Variants in HIP1 observed in about 807,000 individuals in gnomAD.
HIP1 encodes huntingtin-interacting protein 1.
HIP1 carries 65 observed loss-of-function variants against 147.6 expected under a neutral mutation model. That is an observed-to-expected ratio of 0.44 (90% CI 0.36 to 0.54). The LOEUF (loss-of-function observed/expected upper bound fraction) is 0.54. HIP1 is among the 20% of genes least tolerant of loss of function. HIP1 has a pLI of 0.00. For synonymous variants in HIP1, 479 were observed against 504.0 expected, an observed-to-expected ratio of 0.95 and a Z score of 0.67; for missense variants, 1,061 against 1,299.6, an observed-to-expected ratio of 0.82 and a Z score of 2.82.
At chr7:75,659,186 C>G (rs1799228561) in intron 1 of HIP1, among the ~76,000 whole-genome samples, 1 of 152,172 alleles carries the variant, frequency 6.6e-6, no homozygotes, top group South Asian at 2.1e-4. Flanking sequence ...AATCCTGAAG[C>G]CTGCAAAAAT....
intron 8 of HIP1, among the ~76,000 whole-genome samples, chr7:75,573,555 G>A (rs1795726936): frequency 6.6e-6 from 1 of 152,192 alleles, no homozygotes; most frequent in African/African-American, 2.4e-5. Flanking sequence ...ACGCAAGAGT[G>A]GCAAGCCAGG....
In HIP1 at chr7:75,546,983, C is replaced by T. The variant is rs191649785; in HGVS notation, c.2515G>A (p.Val839Met). 1.5e-5 allele frequency: 24 copies of T among 1,587,158 alleles called. No individual in the cohort carries two copies. The highest frequency in any genetic ancestry group is 1.2e-4 in the African/African-American group (9 of 74,716). Residue 839 changes from valine (V) to methionine (M), a missense_variant, in exon 25 of 31, where the codon GTG becomes ATG. By Grantham distance (21) the Val-to-Met change is conservative (BLOSUM62 1). This residue lies in a region of HIP1 where 810 missense variants were observed against 946.8 expected (regional missense o/e 0.86). Coordinates refer to ENST00000336926, the MANE Select transcript of HIP1 (RefSeq NM_005338.7). Reference sequence around the variant, plus strand: ...TCTCTCTGGAGGTCCTTAGAGGCCACGATGAGCACCTGAATAGCTTGCATG... The same window carrying T: ...TCTCTCTGGAGGTCCTTAGAGGCCATGATGAGCACCTGAATAGCTTGCATG... ...SLMQAIQVLI[V>M]ASKDLQREIV...
chr7:75,703,425 C>G (rs782324412), intron 1 of HIP1, among the ~76,000 whole-genome samples: 3 of 152,112 alleles, frequency 2.0e-5, no homozygotes, highest in African/African-American at 7.2e-5. Context: ...AGGCAGATCA[C>G]CCGAGGTCGG....
intron 1 of HIP1, among the ~76,000 whole-genome samples, chr7:75,686,159 G>A (rs1800255748): frequency 1.3e-5 from 2 of 152,026 alleles, no homozygotes; most frequent in South Asian, 4.1e-4. Flanking sequence ...CAAAGTACCG[G>A]GATTACAGGC....
At chr7:75,705,409 C>T (rs1302116531) in intron 1 of HIP1, among the ~76,000 whole-genome samples, 1 of 151,530 alleles carries the variant, frequency 6.6e-6, no homozygotes, top group African/African-American at 2.4e-5. Flanking sequence ...CTCTTGTCGC[C>T]CAGGCTGGAG....
rs562296683 is a variant in HIP1, at chr7:75,682,550, G to A, written c.120+56251C>T. Among the ~76,000 whole-genome samples, 657 of 150,898 alleles carry A rather than the reference G, an allele frequency of 4.4e-3. 2 individuals are homozygous for A. Among genetic ancestry groups the A allele is most frequent in the Non-Finnish European group, 7.7e-3 (523 of 67,918 alleles). ...GCTGAGATGACGGGATTGAGCCACG[G>A]TGCCTGGCCAACATCCTCATTTTAC... On this transcript the variant is annotated intron_variant, in intron 1 of 30. Coordinates refer to ENST00000336926, the MANE Select transcript of HIP1 (RefSeq NM_005338.7).
chr7:75,573,944 A>C, intron 7 of HIP1, 43 bp from the exon 8 acceptor site: 4 of 1,580,866 alleles, frequency 2.5e-6, no homozygotes, highest in Non-Finnish European at 3.5e-6. Flanking sequence ...GAGCCAGGGG[A>C]TTACAGGCAG....
At chr7:75,631,729 C>T (rs782810660) in intron 1 of HIP1, among the ~76,000 whole-genome samples, 22 of 152,170 alleles carry the variant, frequency 1.4e-4, no homozygotes, top group Non-Finnish European at 2.9e-4. Flanking sequence ...GAATCTTCTC[C>T]GATTATGGAA....
intron 1 of HIP1, among the ~76,000 whole-genome samples, chr7:75,603,041 G>A (rs1456539911): frequency 3.3e-5 from 5 of 151,768 alleles, no homozygotes; most frequent in Admixed American, 6.6e-5. Flanking sequence ...CAGCGGCCAC[G>A]AGAAGCTAGA....
intron 1 of HIP1, among the ~76,000 whole-genome samples, chr7:75,733,178 C>T (rs536990919): frequency 6.6e-6 from 1 of 152,226 alleles, no homozygotes; most frequent in East Asian, 1.9e-4. Context: ...TGTGGTCGAA[C>T]GGGCCTGACA....
intron 1 of HIP1, among the ~76,000 whole-genome samples, chr7:75,636,111 G>A (rs1371990552): frequency 1.3e-5 from 2 of 151,614 alleles, no homozygotes; most frequent in Non-Finnish European, 2.9e-5. Flanking sequence ...GGAGGCTGAG[G>A]TGGGTGGATT....
At chr7:75,601,035 G>A (rs587758516) in intron 1 of HIP1, among the ~76,000 whole-genome samples, 197 of 152,170 alleles carry the variant, frequency 1.3e-3, no homozygotes, top group Non-Finnish European at 2.4e-3. Flanking sequence ...TGGGATTACA[G>A]GCATGAGCCA....
chr7:75,648,981 T>A (rs1276350414), intron 1 of HIP1, among the ~76,000 whole-genome samples: 3 of 152,076 alleles, frequency 2.0e-5, no homozygotes, highest in Admixed American at 6.6e-5. Context: ...GGCTATTTTT[T>A]ATTTTTTTCT....
At chr7:75,601,244 C>G (rs1554502861) in intron 1 of HIP1, among the ~76,000 whole-genome samples, 1 of 151,812 alleles carries the variant, frequency 6.6e-6, no homozygotes, top group Non-Finnish European at 1.5e-5. Flanking sequence ...CACGGATCAG[C>G]AAACTACAGT....
rs530487933 is a variant in HIP1, at chr7:75,683,669, G to T, written c.120+55132C>A. On this transcript the variant is annotated intron_variant, in intron 1 of 30. Coordinates refer to ENST00000336926, the MANE Select transcript of HIP1 (RefSeq NM_005338.7). ...CCACGTCCTCCACCTGATGCTGGAG[G>T]TCACTGACATCTGTGAACCTCCCAT... is the stretch of plus-strand genomic sequence containing the variant. 6.6e-5 allele frequency among the ~76,000 whole-genome samples: 10 copies of T among 152,302 alleles called. 1 individual carries two copies. The highest frequency in any genetic ancestry group is 2.4e-4 in the African/African-American group (10 of 41,580).
chr7:75,650,470 T>TTTTTTTA (rs1798936387), intron 1 of HIP1, among the ~76,000 whole-genome samples: 2 of 147,926 alleles, frequency 1.4e-5, no homozygotes, highest in African/African-American at 5.1e-5. Flanking sequence ...TTTTTTTTTT[T>TTTTTTTA]GAGACAGAGT....
At chr7:75,585,755 C>T in intron 5 of HIP1, among the ~76,000 whole-genome samples, 1 of 151,982 alleles carries the variant, frequency 6.6e-6, no homozygotes, top group Admixed American at 6.6e-5. Context: ...AGTTGCCAGA[C>T]CCCTGTACAC....
chr7:75,627,116 C>G (rs1014291152), intron 1 of HIP1: 5 of 152,136 alleles, frequency 3.3e-5, no homozygotes, highest in Non-Finnish European at 7.3e-5. Context: ...TGTGCAGGAG[C>G]CCCAGCCCGG....
rs1350931133 is a variant in HIP1 at position 75,639,182 on chromosome 7, C to T, written c.121-39935G>A. ...CTGCGGGGAGGGCGGCCGGCAGGGC[C>T]CCCGCGGACCGGGGCAGGCGGCGGC... On this transcript the variant is annotated intron_variant, in intron 1 of 30. Coordinates refer to ENST00000336926, the MANE Select transcript of HIP1 (RefSeq NM_005338.7). The T allele has an allele frequency of 3.0e-6, 3 of 983,740 alleles. No individual in the cohort carries two copies. In the South Asian group the frequency reaches 1.4e-4, roughly 46 times the overall value. The allele number at this position is 983,740 out of a possible 1,614,324, so 60.9% of individuals were successfully genotyped here.
Sources: gnomAD v4.1 joint callset for allele counts (sites outside exome capture counted in the v4.1 genomes callset) on GRCh38, gnomAD v4.1.1 for gene constraint, gnomAD v4.1.1 regional missense constraint, MANE v1.5 for transcripts, NCBI Gene and HGNC (gene_info 2026-07-23, HGNC 2026-07-21) for gene names.